The following ASAH1 variants were observed in gnomAD, a reference collection of about 807,000 sequenced individuals.
ASAH1 encodes N-acylsphingosine amidohydrolase 1, also known as acid ceramidase.
ASAH1 carries 70 observed loss-of-function variants against 59.5 expected under a neutral mutation model. The ratio of observed to expected loss-of-function variants is 1.18; its 90% CI spans 0.97 to 1.43. The LOEUF is 1.43. ASAH1 is among the 40% of genes most tolerant of loss of function. ASAH1 has a pLI of 0.00. For synonymous variants in ASAH1, 213 were observed against 166.5 expected (o/e 1.28, Z -2.15); for missense variants, 660 against 482.5 (o/e 1.37, Z -3.45).
intron 1 of ASAH1, among the ~76,000 whole-genome samples, chr8:18,078,105 G>A (rs991053148): frequency 1.3e-5 from 2 of 152,078 alleles, no homozygotes; most frequent in South Asian, 2.1e-4. Flanking sequence ...TAATCTGCGC[G>A]TAGTTCAGGG....
At chr8:18,082,288 A>G (rs756480648) in intron 1 of ASAH1, among the ~76,000 whole-genome samples, 1 of 152,192 alleles carries the variant, frequency 6.6e-6, no homozygotes, top group Non-Finnish European at 1.5e-5. Context: ...AAATAAAGCT[A>G]TTGAGAAAGA....
upstream of ASAH1, chr8:18,084,434 G>T (rs139267685): frequency 4.4e-6 from 6 of 1,360,390 alleles, no homozygotes; most frequent in Non-Finnish European, 5.8e-6. Context: ...GGCGCCTCTA[G>T]CAGGCGGGTG....
chr8:18,062,926 A>C, intron 7 of ASAH1: 1 of 402,026 alleles, frequency 2.5e-6, no homozygotes, highest in Non-Finnish European at 4.5e-6. Flanking sequence ...GCTGCAGTGC[A>C]GTGGCGCGAT....
At chr8:18,084,729 G>C (rs777135606), upstream of ASAH1, 7 of 1,613,804 alleles carry the variant, frequency 4.3e-6, no homozygotes, top group South Asian at 1.1e-5. Context: ...TCGGTGAAAA[G>C]CGCGCTGAGA....
At chr8:18,083,139 A>G (rs1800729258) in intron 1 of ASAH1, 1 of 152,192 alleles carries the variant, frequency 6.6e-6, no homozygotes, top group Non-Finnish European at 1.5e-5. Context: ...ATTCAAGACC[A>G]TCACCATCTA....
At chr8:18,081,957 G>T (rs1416619724) in intron 1 of ASAH1, among the ~76,000 whole-genome samples, 1 of 152,106 alleles carries the variant, frequency 6.6e-6, no homozygotes, top group African/African-American at 2.4e-5. Flanking sequence ...TTTTTATTCT[G>T]CCAAATGGAG....
rs1159848066 is a variant in ASAH1, at chr8:18,059,661, C to A, written c.828G>T (p.Leu276Phe). The A allele has an allele frequency of 6.2e-7, 1 of 1,614,192 alleles. No individual in the cohort carries two copies. The highest frequency in any genetic ancestry group is 1.1e-5 in the South Asian group (1 of 91,084). ...CTCCCAGGATAAAGTAGGCTGGGGCCAATATCTTGGTCTTGGTCAATAAAT... is the reference window on the plus strand; with the variant it reads ...CTCCCAGGATAAAGTAGGCTGGGGCAAATATCTTGGTCTTGGTCAATAAAT... ...AKNLLTKTKI[L>F]APAYFILGGN... The change falls in exon 11 of 14, where the codon TTG becomes TTT. Residue 276 changes from leucine to phenylalanine, a missense_variant. Leu to Phe is a conservative substitution (Grantham distance 22, BLOSUM62 0). Transcript: ENST00000637790.
At chr8:18,067,359 T>C in intron 4 of ASAH1, 61 bp from the exon 5 acceptor site, 1 of 1,012,136 alleles carries the variant, frequency 9.9e-7, no homozygotes, top group Non-Finnish European at 1.3e-6. Context: ...ATATATAATA[T>C]AATATAAACA....
intron 2 of ASAH1, among the ~76,000 whole-genome samples, chr8:18,075,164 T>A (rs1800348119): frequency 6.6e-6 from 1 of 151,644 alleles, no homozygotes; most frequent in Non-Finnish European, 1.5e-5. Flanking sequence ...CCTGGCTAAT[T>A]TTTTGTATTT....
upstream of ASAH1, chr8:18,084,593 G>C: frequency 6.3e-7 from 1 of 1,591,188 alleles, no homozygotes; most frequent in Non-Finnish European, 8.6e-7. Context: ...CCACCGCGGA[G>C]TCAGGGACAA....
intron 12 of ASAH1, 52 bp from the exon 13 acceptor site, chr8:18,058,943 A>G (rs1799578010): frequency 6.7e-7 from 1 of 1,500,926 alleles, no homozygotes; most frequent in Non-Finnish European, 9.3e-7. Context: ...AGAAGCCAAC[A>G]GCCTTATCTA....
chr8:18,084,440 G>A (rs1292911530), upstream of ASAH1: 2 of 1,356,856 alleles, frequency 1.5e-6, no homozygotes, highest in Non-Finnish European at 1.9e-6. Flanking sequence ...TCTAGCAGGC[G>A]GGTGCAGCCT....
intron 5 of ASAH1, 108 bp from the exon 6 acceptor site, chr8:18,064,639 G>C (rs368741834): frequency 5.3e-5 from 38 of 716,068 alleles, no homozygotes; most frequent in African/African-American, 4.7e-4. Context: ...GTGTGCTTTG[G>C]CCAGTGGGGC....
chr8:18,061,581 G>T, intron 9 of ASAH1, 105 bp downstream of exon 9: 1 of 1,456,500 alleles, frequency 6.9e-7, no homozygotes, highest in Non-Finnish European at 9.6e-7. Context: ...TTTGTAACCA[G>T]TCGGGAACCG....
intron 1 of ASAH1, 137 bp downstream of exon 1, chr8:18,083,844 C>G (rs1035079725): frequency 1.2e-4 from 173 of 1,502,246 alleles, no homozygotes; most frequent in Non-Finnish European, 1.5e-4. Context: ...CACCCCTGTG[C>G]ACGAAACCAC....
chr8:18,071,178 G>C (rs1800153438), intron 3 of ASAH1, 122 bp downstream of exon 3: 2 of 444,520 alleles, frequency 4.5e-6, no homozygotes, highest in Admixed American at 4.7e-5. Context: ...CTGCATTCCA[G>C]CCTGGGTGAC....
rs1381763824 is a variant in ASAH1, at chr8:18,057,175, A to G, written c.*359T>C. On this transcript the variant is annotated 3_prime_UTR_variant, in exon 14 of 14. Transcript: ENST00000637790. ...GAGTGTTTACTGTCCCGTTACTCAC[A>G]CAGACGTGCTGGATTCAACACCCAC... 1 of 255,924 alleles carries G rather than the reference A, an allele frequency of 3.9e-6. No homozygotes were observed. The highest frequency in any genetic ancestry group is 2.2e-5 in the African/African-American group (1 of 45,174). The allele number at this position is 255,924 out of a possible 1,614,324, so 15.9% of individuals were successfully genotyped here.
chr8:18,063,473 T>G (rs1178744957), intron 6 of ASAH1: 2 of 385,604 alleles, frequency 5.2e-6, no homozygotes, highest in Non-Finnish European at 9.4e-6. Context: ...CTGGCTACTT[T>G]TTTTTTTTTT....
chr8:18,075,518 T>G, intron 2 of ASAH1, 23 bp downstream of exon 2: 1 of 1,613,514 alleles, frequency 6.2e-7, no homozygotes, highest in Non-Finnish European at 8.5e-7. Flanking sequence ...AAAGGGAGTT[T>G]TGATCATCTG....
Sources: gnomAD v4.1 joint callset for allele counts (sites outside exome capture counted in the v4.1 genomes callset) on GRCh38, gnomAD v4.1.1 for gene constraint, MANE v1.5 for transcripts, NCBI Gene and HGNC (gene_info 2026-07-23, HGNC 2026-07-21) for gene names.